DRC11: variants seen among roughly 807,000 people sequenced by gnomAD.
DRC11 encodes dynein regulatory complex subunit 11, also known as IQ and AAA domain-containing protein 1.
chr2:236,445,894 T>G, the DRC11 span, among the ~76,000 whole-genome samples: 2 of 152,076 alleles, frequency 1.3e-5, no homozygotes, highest in African/African-American at 2.4e-5. The surrounding 1 kb of genome is among the most constrained non-coding windows in gnomAD (Gnocchi z 4.8). Flanking sequence ...CTCACTGCAC[T>G]CCATCTGTCC....
the DRC11 span, among the ~76,000 whole-genome samples, chr2:236,310,148 G>T: frequency 2.0e-5 from 3 of 152,154 alleles, no homozygotes; most frequent in Non-Finnish European, 4.4e-5. This position sits in a 1 kb window ranked among gnomAD's most constrained non-coding sequence, Gnocchi z 5.5. Flanking sequence ...AGCAGCAGTG[G>T]GGATCCTTTG....
the DRC11 span, chr2:236,419,393 C>A: frequency 7.2e-7 from 1 of 1,393,628 alleles, no homozygotes; most frequent in Non-Finnish European, 9.3e-7. The surrounding 1 kb of genome is among the most constrained non-coding windows in gnomAD (Gnocchi z 4.8). Context: ...GGCCCTGGAC[C>A]CTGCAGGCCG....
the DRC11 span, among the ~76,000 whole-genome samples, chr2:236,413,804 G>T: frequency 6.6e-6 from 1 of 152,158 alleles, no homozygotes. The surrounding 1 kb of genome is among the most constrained non-coding windows in gnomAD (Gnocchi z 4.0). Context: ...ATTCCAAATG[G>T]TCTAACATGT....
At chr2:236,308,268 G>A in the DRC11 span, among the ~76,000 whole-genome samples, 5 of 152,258 alleles carry the variant, frequency 3.3e-5, no homozygotes, top group Admixed American at 1.3e-4. This position sits in a 1 kb window ranked among gnomAD's most constrained non-coding sequence, Gnocchi z 6.0. Context: ...TTCCTCTGAT[G>A]GCAGGAATGA....
At chr2:236,357,193 ATTATAAATTATATTCATATAGTATATATC>A in the DRC11 span, among the ~76,000 whole-genome samples, 5 of 121,030 alleles carry the variant, frequency 4.1e-5, no homozygotes, top group Admixed American at 4.6e-4. Flanking sequence ...ATTCATATAT[ATTATAAATTATATTCATATAGTATATATC>A]TATTATAAAT....
At chr2:236,490,538 T>C in the DRC11 span, among the ~76,000 whole-genome samples, 3 of 152,196 alleles carry the variant, frequency 2.0e-5, no homozygotes, top group African/African-American at 7.2e-5. The surrounding 1 kb of genome is among the most constrained non-coding windows in gnomAD (Gnocchi z 5.5). Flanking sequence ...CATTCTGGCA[T>C]TAAATGAGAT....
the DRC11 span, among the ~76,000 whole-genome samples, chr2:236,377,793 T>C: frequency 6.6e-6 from 1 of 152,202 alleles, no homozygotes; most frequent in Non-Finnish European, 1.5e-5. The surrounding 1 kb of genome is among the most constrained non-coding windows in gnomAD (Gnocchi z 4.9). Flanking sequence ...ACCTTGAGCA[T>C]ATAGCCAGCA....
chr2:236,340,976 T>C, the DRC11 span, among the ~76,000 whole-genome samples: 1 of 152,090 alleles, frequency 6.6e-6, no homozygotes. Context: ...ACCTGTGCAC[T>C]CATCCATCAT....
chr2:236,394,255 C>T, the DRC11 span, among the ~76,000 whole-genome samples: 7 of 152,262 alleles, frequency 4.6e-5, no homozygotes, highest in South Asian at 2.1e-4. The surrounding 1 kb of genome is among the most constrained non-coding windows in gnomAD (Gnocchi z 7.0). Context: ...CCAGTGCCTG[C>T]GTCTTTAGTG....
At chr2:236,482,144 A>C in the DRC11 span, among the ~76,000 whole-genome samples, 1 of 151,340 alleles carries the variant, frequency 6.6e-6, no homozygotes, top group African/African-American at 2.4e-5. This position sits in a 1 kb window ranked among gnomAD's most constrained non-coding sequence, Gnocchi z 4.5. Context: ...TCTACATATT[A>C]TATGTATAAT....
the DRC11 span, among the ~76,000 whole-genome samples, chr2:236,470,026 T>C: frequency 6.6e-6 from 1 of 152,142 alleles, no homozygotes; most frequent in Non-Finnish European, 1.5e-5. This position sits in a 1 kb window ranked among gnomAD's most constrained non-coding sequence, Gnocchi z 5.1. Flanking sequence ...TCAGCAAAAA[T>C]ATACATATTA....
At chr2:236,398,911 AG>A in the DRC11 span, among the ~76,000 whole-genome samples, 1 of 152,222 alleles carries the variant, frequency 6.6e-6, no homozygotes, top group African/African-American at 2.4e-5. This position sits in a 1 kb window ranked among gnomAD's most constrained non-coding sequence, Gnocchi z 6.2. Context: ...GTTCAAAAAC[AG>A]GATGGAGGTC....
chr2:236,356,992 C>A, the DRC11 span, among the ~76,000 whole-genome samples: 3 of 85,570 alleles, frequency 3.5e-5, no homozygotes, highest in East Asian at 2.4e-4. Flanking sequence ...TATTATATAT[C>A]TATATATTTA....
chr2:236,386,543 T>C, the DRC11 span, among the ~76,000 whole-genome samples: 11 of 152,282 alleles, frequency 7.2e-5, no homozygotes, highest in South Asian at 4.1e-4. Context: ...TCTATTTGAT[T>C]CTTCTCTCTT....
At chr2:236,495,850 G>A in the DRC11 span, among the ~76,000 whole-genome samples, 1 of 152,228 alleles carries the variant, frequency 6.6e-6, no homozygotes, top group Middle Eastern at 3.4e-3. This position sits in a 1 kb window ranked among gnomAD's most constrained non-coding sequence, Gnocchi z 5.6. Flanking sequence ...CTGCTCATTT[G>A]TCACTGCTCT....
chr2:236,416,143 C>T, the DRC11 span, among the ~76,000 whole-genome samples: 127 of 152,212 alleles, frequency 8.3e-4, no homozygotes, highest in Middle Eastern at 0.01. Context: ...GGGAGGGAAG[C>T]AGCCCTGGGC....
At chr2:236,423,595 T>C in the DRC11 span, among the ~76,000 whole-genome samples, 1 of 152,238 alleles carries the variant, frequency 6.6e-6, no homozygotes, top group Non-Finnish European at 1.5e-5. Context: ...ACTTTTACAC[T>C]GTTGGTGGGA....
the DRC11 span, among the ~76,000 whole-genome samples, chr2:236,326,792 T>G: frequency 4.2e-5 from 6 of 144,080 alleles, no homozygotes; most frequent in African/African-American, 1.3e-4. Context: ...TTCAGATTTG[T>G]TGTGTGTGTG....
At chr2:236,390,101 GCTGT>G in the DRC11 span, among the ~76,000 whole-genome samples, 3 of 151,974 alleles carry the variant, frequency 2.0e-5, no homozygotes, top group East Asian at 5.8e-4. The surrounding 1 kb of genome is among the most constrained non-coding windows in gnomAD (Gnocchi z 5.9). Context: ...TTATTGTATT[GCTGT>G]CTATTTCTCC....
Sources: gnomAD v4.1 joint callset for allele counts (sites outside exome capture counted in the v4.1 genomes callset) on GRCh38, gnomAD v4.1.1 for gene constraint, Gnocchi (gnomAD v3.1) non-coding constraint, MANE v1.5 for transcripts, NCBI Gene and HGNC (gene_info 2026-07-23, HGNC 2026-07-21) for gene names.